MAPKBP1: variants seen among roughly 807,000 people sequenced by gnomAD.
MAPKBP1 encodes the protein mitogen-activated protein kinase binding protein 1.
A neutral mutation model predicts 170.5 loss-of-function variants in MAPKBP1; 71 were observed. That is an observed-to-expected ratio of 0.42 (90% CI 0.34 to 0.51). The LOEUF is 0.51. MAPKBP1 is among the 20% of genes least tolerant of loss of function. The pLI is 0.06. For synonymous variants in MAPKBP1, 719 were observed against 757.9 expected, an observed-to-expected ratio of 0.95 and a Z score of 0.84; for missense variants, 1,598 against 1,933.0, an observed-to-expected ratio of 0.83 and a Z score of 3.25.
intron 1 of MAPKBP1, 133 bp from the exon 2 acceptor site, chr15:41,775,031 CGTT>C (rs915374370): frequency 8.8e-5 from 39 of 444,876 alleles, no homozygotes; most frequent in Non-Finnish European, 1.5e-4. Flanking sequence ...TTCCTTCCGA[CGTT>C]GTAAGAAACT....
In MAPKBP1 at chr15:41,817,532, G is replaced by A. The variant is rs555183711; in HGVS notation, c.1782+74G>A. On this transcript the variant is annotated intron_variant, in intron 15 of 30. Coordinates refer to ENST00000457542, the MANE Select transcript of MAPKBP1 (RefSeq NM_014994.3). This position sits in a 1 kb window ranked among gnomAD's most constrained non-coding sequence, Gnocchi z 4.2. ...CCATTCCCTGCCTAAGGTTACAAGA[G>A]GTGAAGGGAGGCGCAAGTAGGGCTC... 4 of 1,613,462 alleles carry A rather than the reference G, an allele frequency of 2.5e-6. No individual in the cohort carries two copies. Among genetic ancestry groups the A allele is most frequent in the African/African-American group, 2.7e-5 (2 of 74,942 alleles).
At chr15:41,786,777 A>ATATATATATATATATATATAT (rs1555448144) in intron 2 of MAPKBP1, among the ~76,000 whole-genome samples, 12 of 32,428 alleles carry the variant, frequency 3.7e-4, no homozygotes, top group African/African-American at 1.4e-3. Context: ...AAAAAAAAAA[A>ATATATATATATATATATATAT]ATATATATAT....
chr15:41,809,515 A>C (rs1168263519), intron 3 of MAPKBP1, among the ~76,000 whole-genome samples: 1 of 152,228 alleles, frequency 6.6e-6, no homozygotes, highest in Non-Finnish European at 1.5e-5. Context: ...TGGGGGCTGC[A>C]GTGGGGTCCC....
rs369163311 is a variant in MAPKBP1 at position 41,822,698 on chromosome 15, C to A, written c.3314+21C>A. 3 of 1,613,082 alleles carry A rather than the reference C, an allele frequency of 1.9e-6. No homozygotes were observed. In the African/African-American group the frequency reaches 4.0e-5, roughly 22 times the overall value. ...CTCAGGTACAGAGGCCCCCTACCCC[C>A]CAGCAGCAGCTCTGGCTCTCCTCGC... is the stretch of plus-strand genomic sequence containing the variant. On this transcript the variant is annotated intron_variant, in intron 27 of 30. Transcript: ENST00000457542.
chr15:41,785,354 T>C (rs2064265714), intron 2 of MAPKBP1, among the ~76,000 whole-genome samples: 1 of 152,190 alleles, frequency 6.6e-6, no homozygotes, highest in Admixed American at 6.5e-5. Flanking sequence ...TAGCAGAAAT[T>C]CTTTTTGATA....
chr15:41,800,615 G>T (rs764377020), intron 3 of MAPKBP1, among the ~76,000 whole-genome samples: 1 of 152,132 alleles, frequency 6.6e-6, no homozygotes, highest in African/African-American at 2.4e-5. Flanking sequence ...GATTACAGGC[G>T]TGAGCCACTG....
intron 3 of MAPKBP1, 26 bp downstream of exon 3, chr15:41,799,940 T>C: frequency 1.9e-6 from 3 of 1,601,624 alleles, no homozygotes; most frequent in Non-Finnish European, 2.6e-6. Context: ...GGAAGAGATC[T>C]TGATGCATGG....
At chr15:41,819,557 G>GGGAGGGC (rs1555454017) in intron 21 of MAPKBP1, 38 bp from the exon 22 acceptor site, 1 of 1,375,042 alleles carries the variant, frequency 7.3e-7, no homozygotes, top group Non-Finnish European at 1.0e-6. Context: ...CGGGGGGGGG[G>GGGAGGGC]CAGGAGACAC....
At chr15:41,821,474 C>G in intron 23 of MAPKBP1, 110 bp from the exon 24 acceptor site, 1 of 1,006,830 alleles carries the variant, frequency 9.9e-7, no homozygotes. Flanking sequence ...TCACCTCCAC[C>G]TCTTCTCCAA....
intron 2 of MAPKBP1, among the ~76,000 whole-genome samples, chr15:41,780,166 TTC>T (rs934659176): frequency 3.2e-4 from 48 of 152,232 alleles, no homozygotes; most frequent in African/African-American, 1.1e-3. Flanking sequence ...TTCCAAGTTT[TTC>T]TCTCTTTCAG....
intron 2 of MAPKBP1, among the ~76,000 whole-genome samples, chr15:41,787,494 A>T (rs759361293): frequency 2.0e-5 from 3 of 151,968 alleles, no homozygotes; most frequent in Non-Finnish European, 4.4e-5. Flanking sequence ...CCGCCTCCCG[A>T]GTAACTGGGA....
intron 2 of MAPKBP1, among the ~76,000 whole-genome samples, chr15:41,785,824 A>G (rs145161824): frequency 5.8e-4 from 89 of 152,320 alleles, no homozygotes; most frequent in Admixed American, 4.6e-3. Context: ...CTTAGAGGAC[A>G]ATTTGGTAAT....
At position 41,826,820 on chromosome 15, in the gene MAPKBP1, A is replaced by ATAGG. The variant is rs760907476; in HGVS notation, c.*1385_*1388dup. 1 of 151,940 alleles carries ATAGG rather than the reference A, an allele frequency of 6.6e-6. No individual in the cohort carries two copies. Among genetic ancestry groups the ATAGG allele is most frequent in the Non-Finnish European group, 1.5e-5 (1 of 67,882 alleles). 9.4% of individuals were successfully genotyped at this position (151,940 alleles called of 1,614,324 possible). On this transcript the variant is annotated 3_prime_UTR_variant, in exon 31 of 31. Coordinates refer to ENST00000457542, the MANE Select transcript of MAPKBP1 (RefSeq NM_014994.3). ...AGTAATTAGGGGTGAGGGAAAGGAG[A>ATAGG]TAGGGGACCCTAGGAGGTAGAGTGG...
At chr15:41,784,561 A>G (rs1226394558) in intron 2 of MAPKBP1, among the ~76,000 whole-genome samples, 2 of 152,062 alleles carry the variant, frequency 1.3e-5, no homozygotes, top group Non-Finnish European at 2.9e-5. Flanking sequence ...AGGCGGGTGG[A>G]TCACAAGGTC....
At chr15:41,823,393 C>A in intron 28 of MAPKBP1, 54 bp from the exon 29 acceptor site, 2 of 1,566,024 alleles carry the variant, frequency 1.3e-6, no homozygotes, top group Non-Finnish European at 1.7e-6. Flanking sequence ...GGTGTTGGCA[C>A]CTGGGATGCC....
chr15:41,791,072 G>C (rs1480262981), intron 2 of MAPKBP1, among the ~76,000 whole-genome samples: 1 of 152,188 alleles, frequency 6.6e-6, no homozygotes, highest in Non-Finnish European at 1.5e-5. Flanking sequence ...AGGGGAAGGC[G>C]AAGAGTGCTC....
intron 3 of MAPKBP1, among the ~76,000 whole-genome samples, chr15:41,801,952 C>T (rs2064602351): frequency 1.3e-5 from 2 of 152,144 alleles, no homozygotes; most frequent in African/African-American, 4.8e-5. Context: ...TGTCATTTGG[C>T]AGTTTCGTTG....
At chr15:41,822,745 C>T in intron 27 of MAPKBP1, 68 bp downstream of exon 27, 1 of 1,565,600 alleles carries the variant, frequency 6.4e-7, no homozygotes, top group Non-Finnish European at 8.8e-7. Flanking sequence ...GCTGCCCTCT[C>T]CTCTCCAGTG....
intron 22 of MAPKBP1, among the ~76,000 whole-genome samples, chr15:41,820,502 G>A (rs188799094): frequency 5.0e-4 from 76 of 152,276 alleles, no homozygotes; most frequent in Non-Finnish European, 7.4e-4. Context: ...CCAGCTCTGA[G>A]GCATCCATGA....
Sources: gnomAD v4.1 joint callset for allele counts (sites outside exome capture counted in the v4.1 genomes callset) on GRCh38, gnomAD v4.1.1 for gene constraint, Gnocchi (gnomAD v3.1) non-coding constraint, MANE v1.5 for transcripts, NCBI Gene and HGNC (gene_info 2026-07-23, HGNC 2026-07-21) for gene names.